The following SEPTIN6 variants were observed in gnomAD, a reference collection of about 807,000 sequenced individuals.
The protein encoded by SEPTIN6 is septin 6.
Under a neutral mutation model 33.6 loss-of-function variants are expected in SEPTIN6, and 8 were observed. The ratio of observed to expected loss-of-function variants is 0.24; its 90% CI spans 0.14 to 0.43. SEPTIN6 has a LOEUF of 0.43. Ranked by LOEUF, SEPTIN6 falls within the 20% of genes least tolerant of loss-of-function variation. SEPTIN6 has a pLI of 1.00. For synonymous variants in SEPTIN6, 131 were observed against 140.0 expected, an observed-to-expected ratio of 0.94 and a Z score of 0.45; for missense variants, 250 against 340.8, an observed-to-expected ratio of 0.73 and a Z score of 2.10.
intron 2 of SEPTIN6, among the ~76,000 whole-genome samples, chrX:119,672,584 C>T (rs1403700439): frequency 8.9e-6 from 1 of 112,383 alleles, no homozygotes. Context: ...CTCATCTCAA[C>T]TTCAGTACAG....
chrX:119,676,397 T>C (rs1393401841), intron 1 of SEPTIN6, among the ~76,000 whole-genome samples: 1 of 106,223 alleles, frequency 9.4e-6, no homozygotes, highest in Non-Finnish European at 1.9e-5. Flanking sequence ...CCGGGAGGTG[T>C]AGGCTGCAGT....
At chrX:119,620,702 C>T (rs1177745147) in intron 10 of SEPTIN6, among the ~76,000 whole-genome samples, 1 of 109,516 alleles carries the variant, frequency 9.1e-6, no homozygotes, top group Non-Finnish European at 1.9e-5. Flanking sequence ...CTCACTGCAA[C>T]CTCCATCTTC....
At chrX:119,623,794 G>A (rs2053808571) in intron 10 of SEPTIN6, among the ~76,000 whole-genome samples, 1 of 112,257 alleles carries the variant, frequency 8.9e-6, no homozygotes, top group African/African-American at 3.2e-5. Flanking sequence ...AGCTGAGGTT[G>A]TGCCACTGCA....
chrX:119,684,457 C>A (rs182384031), intron 1 of SEPTIN6, among the ~76,000 whole-genome samples: 14 of 104,924 alleles, frequency 1.3e-4, no homozygotes, highest in Non-Finnish European at 2.7e-4. Flanking sequence ...ATAAGAACCA[C>A]AAAAGCACTG....
chrX:119,651,094 G>A (rs776937051), intron 4 of SEPTIN6, among the ~76,000 whole-genome samples: 10 of 110,275 alleles, frequency 9.1e-5, no homozygotes, highest in Non-Finnish European at 1.9e-4. Flanking sequence ...AGACTCCAAC[G>A]GGGGGTGGGG....
chrX:119,651,931 G>A (rs1210648469), intron 4 of SEPTIN6, among the ~76,000 whole-genome samples: 1 of 111,664 alleles, frequency 9.0e-6, no homozygotes, highest in Non-Finnish European at 1.9e-5. Context: ...ATGTGAATTC[G>A]ATTATTTTTT....
chrX:119,644,099 G>A (rs1206792349), intron 5 of SEPTIN6, among the ~76,000 whole-genome samples: 1 of 111,584 alleles, frequency 9.0e-6, no homozygotes, highest in African/African-American at 3.3e-5. Context: ...GGTCTCTGCA[G>A]GAAACTGACA....
chrX:119,681,092 T>C (rs1221821381), intron 1 of SEPTIN6, among the ~76,000 whole-genome samples: 1 of 111,433 alleles, frequency 9.0e-6, no homozygotes, highest in Non-Finnish European at 1.9e-5. Flanking sequence ...GTCATCATTA[T>C]GAGTATCAGT....
At chrX:119,674,402 C>T (rs181470634) in intron 2 of SEPTIN6, among the ~76,000 whole-genome samples, 1 of 111,364 alleles carries the variant, frequency 9.0e-6, no homozygotes, top group Admixed American at 9.6e-5. Flanking sequence ...TGGTCTCGAT[C>T]TTCTGACCTC....
chrX:119,658,627 A>G (rs2054491646), intron 3 of SEPTIN6, among the ~76,000 whole-genome samples: 1 of 112,353 alleles, frequency 8.9e-6, no homozygotes, highest in East Asian at 2.7e-4. Flanking sequence ...TTTGCCCTCC[A>G]AGAAGTCTAT....
In SEPTIN6 at chrX:119,631,193, T is replaced by C. The variant is rs189484494; in HGVS notation, c.1090-1685A>G. On this transcript the variant is annotated intron_variant, in intron 8 of 10. Transcript: ENST00000394610. ...TTCTTTTTTCTTTTCTTTTTTTTTT[T>C]TTTTTGAGACAGAGTCTCGCTCTGT... 4.0e-4 allele frequency among the ~76,000 whole-genome samples: 42 copies of C among 105,677 alleles called. No homozygotes were observed. In the East Asian group the frequency reaches 0.012, roughly 31 times the overall value. 91.8% of individuals were successfully genotyped at this position (105,677 alleles called of 115,157 possible).
rs2035990196 is a variant in SEPTIN6 at position 119,649,944 on chromosome X, G to T, written c.683C>A (p.Thr228Asn). ...DDESVAEING[T>N]MNAHLPFAVI... is the part of the protein sequence containing the mutation. ...GAAATTGCTCCCACTCACGTTCATG[G>T]TTCCATTGATCTCTGCCACCGACTC... The change falls in exon 5 of 11, where the codon ACC becomes AAC. Residue 228 changes from threonine (T) to asparagine (N), a missense_variant. By Grantham distance (65) the Thr-to-Asn change is moderately conservative. Coordinates refer to ENST00000394610, the MANE Select transcript of SEPTIN6 (RefSeq NM_145799.4). 2.5e-6 allele frequency: 3 copies of T among 1,209,394 alleles called. No individual in the cohort carries two copies. The highest frequency in any genetic ancestry group is 1.7e-5 in the African/African-American group (1 of 57,819).
chrX:119,636,997 T>C (rs754212734), intron 7 of SEPTIN6, 30 bp downstream of exon 7: 1 of 1,195,890 alleles, frequency 8.4e-7, no homozygotes, highest in Non-Finnish European at 1.1e-6. Flanking sequence ...TGAGCTGGGC[T>C]GGGCTGGGCT....
chrX:119,652,032 T>G (rs781038073), intron 4 of SEPTIN6, among the ~76,000 whole-genome samples: 160 of 112,163 alleles, frequency 1.4e-3, no homozygotes, highest in African/African-American at 5.0e-3. Flanking sequence ...CAAGCGATTC[T>G]CCTGCTTGAG....
chrX:119,629,890 T>C (rs1319670650), intron 8 of SEPTIN6, among the ~76,000 whole-genome samples: 1 of 111,290 alleles, frequency 9.0e-6, no homozygotes, highest in Non-Finnish European at 1.9e-5. Flanking sequence ...GAGGCCAAGG[T>C]GGGCAGATTA....
chrX:119,675,943 A>T (rs974948454), intron 1 of SEPTIN6, among the ~76,000 whole-genome samples: 46 of 109,996 alleles, frequency 4.2e-4, no homozygotes, highest in African/African-American at 1.5e-3. Flanking sequence ...AGGAGAGTGG[A>T]GTCAGGGGAG....
At chrX:119,689,592 T>A (rs1354101768) in intron 1 of SEPTIN6, among the ~76,000 whole-genome samples, 4 of 111,791 alleles carry the variant, frequency 3.6e-5, no homozygotes, top group Admixed American at 9.5e-5. Flanking sequence ...GTTCACACCC[T>A]CAGCCTCCAC....
intron 4 of SEPTIN6, among the ~76,000 whole-genome samples, chrX:119,651,335 C>A (rs1265859158): frequency 8.9e-6 from 1 of 112,047 alleles, no homozygotes; most frequent in Non-Finnish European, 1.9e-5. Flanking sequence ...CAGGCAGAGC[C>A]TATTCTCCTT....
At chrX:119,628,851 T>C (rs1249821377) in intron 9 of SEPTIN6, 1 of 108,011 alleles carries the variant, frequency 9.3e-6, no homozygotes, top group African/African-American at 3.4e-5. Context: ...GGTTTCGCCA[T>C]ATAGGCCAGG....
Sources: allele counts gnomAD v4.1 joint callset (sites outside exome capture counted in the v4.1 genomes callset), GRCh38; gene constraint gnomAD v4.1.1; transcripts MANE v1.5; gene names NCBI Gene and HGNC (gene_info 2026-07-23, HGNC 2026-07-21).